FSTL4: variants seen among roughly 807,000 people sequenced by gnomAD.
FSTL4 encodes the protein follistatin like 4, also known as follistatin-related protein 4.
Under a neutral mutation model 78.2 loss-of-function variants are expected in FSTL4, and 28 were observed. The observed-to-expected ratio is 0.36, with a 90% CI of 0.27 to 0.49. The LOEUF is 0.49. FSTL4 is among the 20% of genes least tolerant of loss of function. FSTL4 has a pLI of 0.98. For synonymous variants in FSTL4, 422 were observed against 440.5 expected, an observed-to-expected ratio of 0.96 and a Z score of 0.53; for missense variants, 922 against 1,084.9, an observed-to-expected ratio of 0.85 and a Z score of 2.11.
At chr5:133,411,627 A>G (rs985308141) in intron 3 of FSTL4, among the ~76,000 whole-genome samples, 6 of 152,236 alleles carry the variant, frequency 3.9e-5, no homozygotes, top group Non-Finnish European at 7.3e-5. Context: ...AACTCCTTAA[A>G]TAGCCAATCA....
At chr5:133,663,072 G>T in the FSTL4 span, among the ~76,000 whole-genome samples, 4 of 152,168 alleles carry the variant, frequency 2.6e-5, no homozygotes, top group Non-Finnish European at 4.4e-5. Context: ...ATCAGTGGTT[G>T]CCAGGGATTA....
At chr5:133,437,468 G>A (rs1320774768) in intron 3 of FSTL4, among the ~76,000 whole-genome samples, 1 of 145,744 alleles carries the variant, frequency 6.9e-6, no homozygotes, top group Non-Finnish European at 1.5e-5. Context: ...ACTGTATATA[G>A]TATATAGTAA....
chr5:133,539,806 C>T (rs568447959), intron 3 of FSTL4, among the ~76,000 whole-genome samples: 1 of 151,742 alleles, frequency 6.6e-6, no homozygotes, highest in East Asian at 1.9e-4. Flanking sequence ...ACAGTTTAAG[C>T]TTGTATAATT....
chr5:133,821,078 A>G, the FSTL4 span, among the ~76,000 whole-genome samples: 1 of 152,220 alleles, frequency 6.6e-6, no homozygotes, highest in Non-Finnish European at 1.5e-5. Context: ...AAACTATCTC[A>G]TAGGCTGTTG....
chr5:133,664,178 C>T, the FSTL4 span, among the ~76,000 whole-genome samples: 3 of 152,080 alleles, frequency 2.0e-5, no homozygotes, highest in Non-Finnish European at 4.4e-5. Flanking sequence ...ATCAAATGAT[C>T]ACGTGTCAAG....
the FSTL4 span, among the ~76,000 whole-genome samples, chr5:133,798,828 C>T: frequency 6.6e-6 from 1 of 152,110 alleles, no homozygotes; most frequent in Non-Finnish European, 1.5e-5. Flanking sequence ...CTGCCTCCCC[C>T]ACCCTGAAGG....
chr5:133,614,245 G>C (rs546120534), upstream of FSTL4, among the ~76,000 whole-genome samples: 1 of 152,298 alleles, frequency 6.6e-6, no homozygotes, highest in African/African-American at 2.4e-5. Flanking sequence ...GCAGGACTTT[G>C]TGTATTTTTT....
At chr5:133,651,813 G>T in the FSTL4 span, among the ~76,000 whole-genome samples, 1 of 152,224 alleles carries the variant, frequency 6.6e-6, no homozygotes, top group Non-Finnish European at 1.5e-5. Flanking sequence ...GACTTAGAAA[G>T]TATTTCCTCT....
chr5:133,266,466 C>CCCTGCCCGGCT (rs1408973543), intron 6 of FSTL4: 1 of 152,304 alleles, frequency 6.6e-6, no homozygotes, highest in African/African-American at 2.4e-5. Flanking sequence ...GAGGCCGAGG[C>CCCTGCCCGGCT]CCTGCCCGGC....
chr5:133,769,580 C>T, the FSTL4 span, among the ~76,000 whole-genome samples: 2 of 152,172 alleles, frequency 1.3e-5, no homozygotes, highest in African/African-American at 2.4e-5. Context: ...AAAGGGGCCC[C>T]TAGCTCTGCC....
At chr5:133,815,999 T>C in the FSTL4 span, among the ~76,000 whole-genome samples, 5 of 152,206 alleles carry the variant, frequency 3.3e-5, no homozygotes, top group African/African-American at 1.2e-4. Flanking sequence ...ATGTCTATTA[T>C]ACAATACAGA....
the FSTL4 span, among the ~76,000 whole-genome samples, chr5:133,760,889 G>A: frequency 6.6e-6 from 1 of 152,206 alleles, no homozygotes; most frequent in East Asian, 1.9e-4. Context: ...TTTATCCACT[G>A]ACCTCTAGAT....
rs555551565 is a variant in FSTL4, at chr5:133,589,194, C to T, written c.126+14664G>A. The stretch of plus-strand genomic sequence containing the variant: ...GAGATATACCTAATGCTAGATGACA[C>T]GTTAGTGGGTGCAGCGCACCAGCAT... On this transcript the variant is annotated intron_variant, in intron 2 of 15. Coordinates refer to ENST00000265342, the MANE Select transcript of FSTL4 (RefSeq NM_015082.2). 2.8e-4 allele frequency among the ~76,000 whole-genome samples: 20 copies of T among 72,338 alleles called. 2 individuals are homozygous for T. Among genetic ancestry groups the T allele is most frequent in the Admixed American group, 2.0e-3 (14 of 7,044 alleles). 47.5% of individuals were successfully genotyped at this position (72,338 alleles called of 152,430 possible).
the FSTL4 span, among the ~76,000 whole-genome samples, chr5:133,692,009 G>A: frequency 6.6e-6 from 1 of 152,226 alleles, no homozygotes; most frequent in African/African-American, 2.4e-5. Flanking sequence ...ACAGTCCAGA[G>A]GGGGAAAACA....
intron 2 of FSTL4, among the ~76,000 whole-genome samples, chr5:133,599,262 T>G (rs1033241765): frequency 2.6e-5 from 4 of 152,154 alleles, no homozygotes; most frequent in African/African-American, 9.7e-5. Context: ...CTCTGCAATT[T>G]GAGGTTGCCA....
rs1757127273 is a variant in FSTL4 at position 133,440,397 on chromosome 5, A to T, written c.161-39411T>A. Reference sequence around the variant, plus strand: ...CTCAGCATCTGTCAGCTTCTGCTCCACAGGCCCATGGGGAGCTCTCAGCAG... The same window carrying T: ...CTCAGCATCTGTCAGCTTCTGCTCCTCAGGCCCATGGGGAGCTCTCAGCAG... On this transcript the variant is annotated intron_variant, in intron 3 of 15. Coordinates refer to ENST00000265342, the MANE Select transcript of FSTL4 (RefSeq NM_015082.2). The surrounding 1 kb of genome is among the most constrained non-coding windows in gnomAD (Gnocchi z 4.1). Among the ~76,000 whole-genome samples, 1 of 152,190 alleles carries T rather than the reference A, an allele frequency of 6.6e-6. No individual in the cohort carries two copies. Among genetic ancestry groups the T allele is most frequent in the Non-Finnish European group, 1.5e-5 (1 of 68,032 alleles).
At chr5:133,591,779 A>G (rs1760633002) in intron 2 of FSTL4, among the ~76,000 whole-genome samples, 1 of 152,078 alleles carries the variant, frequency 6.6e-6, no homozygotes, top group South Asian at 2.1e-4. Context: ...GGAGGGAGAA[A>G]TGGAGAAGGG....
At chr5:133,731,003 G>A in the FSTL4 span, among the ~76,000 whole-genome samples, 18 of 152,226 alleles carry the variant, frequency 1.2e-4, no homozygotes, top group Middle Eastern at 3.2e-3. Context: ...CCAGATGGCC[G>A]CTCTGATGCT....
At chr5:133,501,579 T>C (rs759990628) in intron 3 of FSTL4, among the ~76,000 whole-genome samples, 3 of 152,182 alleles carry the variant, frequency 2.0e-5, no homozygotes, top group Non-Finnish European at 2.9e-5. Context: ...AGTCAGCAGA[T>C]GAGACAATTA....
Sources: allele counts gnomAD v4.1 joint callset (sites outside exome capture counted in the v4.1 genomes callset), GRCh38; gene constraint gnomAD v4.1.1; non-coding constraint Gnocchi (gnomAD v3.1); transcripts MANE v1.5; gene names NCBI Gene and HGNC (gene_info 2026-07-23, HGNC 2026-07-21).